The following MLPH variants were observed in gnomAD, a reference collection of about 807,000 sequenced individuals.
MLPH encodes melanophilin, also known as exophilin-3.
In MLPH, 51 loss-of-function variants were observed where a neutral mutation model predicts 72.1. The ratio of observed to expected loss-of-function variants is 0.71; its 90% confidence interval spans 0.56 to 0.89. The LOEUF is 0.89. MLPH is among the 40% of genes least tolerant of loss of function. MLPH has a pLI of 0.00. For synonymous variants in MLPH, 301 were observed against 310.1 expected (o/e 0.97, Z 0.31); for missense variants, 743 against 759.9 (o/e 0.98, Z 0.26).
In MLPH at chr2:237,512,110, C is replaced by T. The variant is rs1157115659; in HGVS notation, c.445+1009C>T. Among the ~76,000 whole-genome samples, 1 of 152,238 alleles carries T rather than the reference C, an allele frequency of 6.6e-6. No individual in the cohort carries two copies. Among genetic ancestry groups the T allele is most frequent in the Non-Finnish European group, 1.5e-5 (1 of 68,044 alleles). On this transcript the variant is annotated intron_variant, in intron 4 of 15. Coordinates refer to ENST00000264605, the MANE Select transcript of MLPH (RefSeq NM_024101.7). This position sits in a 1 kb window ranked among gnomAD's most constrained non-coding sequence, Gnocchi z 5.5. ...CAGGGCCACGAGGCAGCGCCTGGCT[C>T]CGGCAGCTGGGCACGTCCAGGGCAG...
At chr2:237,540,311 G>T in intron 9 of MLPH, 37 bp from the exon 10 acceptor site, 1 of 1,610,644 alleles carries the variant, frequency 6.2e-7, no homozygotes. Context: ...GCTCCAGATG[G>T]CTAGCCGAAT....
In MLPH at chr2:237,527,202, G is replaced by A. The variant is rs1574875242; in HGVS notation, c.881-175G>A. ...CCTCTTTTTTCCTGAAGATCTTTGTGTGTGGCTGTGGAATCTGCCCCATTC... is the reference window on the plus strand; with the variant it reads ...CCTCTTTTTTCCTGAAGATCTTTGTATGTGGCTGTGGAATCTGCCCCATTC... On this transcript the variant is annotated intron_variant, in intron 7 of 15. Transcript: ENST00000264605. 1.6e-5 allele frequency: 12 copies of A among 759,924 alleles called. No individual in the cohort carries two copies. In the East Asian group the frequency reaches 2.4e-4, roughly 15 times the overall value. The allele number at this position is 759,924 out of a possible 1,614,324, so 47.1% of individuals were successfully genotyped here.
intron 9 of MLPH, among the ~76,000 whole-genome samples, chr2:237,537,185 C>T (rs919690974): frequency 6.6e-6 from 1 of 152,216 alleles, no homozygotes; most frequent in Non-Finnish European, 1.5e-5. Context: ...GGCTGTGTCC[C>T]GCCATGCTGG....
intron 6 of MLPH, among the ~76,000 whole-genome samples, chr2:237,523,734 G>A (rs2080239241): frequency 6.6e-6 from 1 of 152,092 alleles, no homozygotes; most frequent in South Asian, 2.1e-4. Context: ...GGGAGTAAAG[G>A]GCTGTAATTA....
At position 237,510,687 on chromosome 2, in the gene MLPH, T is replaced by C. The variant is rs1459859471; in HGVS notation, c.224T>C (p.Val75Ala). 6.2e-7 allele frequency: 1 copy of C among 1,613,770 alleles called. No individual in the cohort carries two copies. The highest frequency in any genetic ancestry group is 2.2e-5 in the East Asian group (1 of 44,874). ...TGCCTGCAGCCCTACCAGCTGCTTG[T>C]GAATAGCAAAAGGCAGTGCCTGGAA... ...ARCLQPYQLL[V>A]NSKRQCLECG... The change falls in exon 3 of 16, where the codon GTG becomes GCG. Residue 75 changes from valine (V) to alanine (A), a missense_variant. Transcript: ENST00000264605. The surrounding 1 kb of genome is among the most constrained non-coding windows in gnomAD (Gnocchi z 4.4).
At chr2:237,493,776 C>T (rs2079477895) in intron 2 of MLPH, among the ~76,000 whole-genome samples, 1 of 152,204 alleles carries the variant, frequency 6.6e-6, no homozygotes, top group South Asian at 2.1e-4. Context: ...GACCCAGCTT[C>T]CAGGGTGATA....
chr2:237,523,928 C>T (rs763923725), intron 6 of MLPH, among the ~76,000 whole-genome samples: 5 of 152,068 alleles, frequency 3.3e-5, no homozygotes, highest in Middle Eastern at 3.4e-3. Context: ...TAATATGGTT[C>T]GGCCTAGGGT....
At position 237,494,456 on chromosome 2, in the gene MLPH, G is replaced by C. The variant is rs539954940; in HGVS notation, c.110+920G>C. ...CGGGGGTCCTGTAGAGCTTCACAGG[G>C]CCTCACCCTTCCCCTGAGTCACCAC... On this transcript the variant is annotated intron_variant, in intron 2 of 15. Coordinates refer to ENST00000264605, the MANE Select transcript of MLPH (RefSeq NM_024101.7). 6.6e-5 allele frequency among the ~76,000 whole-genome samples: 10 copies of C among 152,296 alleles called. No homozygotes were observed. The East Asian group carries it at 9.7e-4, about 15-fold the overall frequency.
At chr2:237,499,516 A>G (rs933632933) in intron 2 of MLPH, among the ~76,000 whole-genome samples, 2 of 152,282 alleles carry the variant, frequency 1.3e-5, no homozygotes, top group African/African-American at 2.4e-5. Context: ...GCTGGAAGTC[A>G]TCATAAGGAG....
chr2:237,510,435 T>C lies in MLPH; in HGVS notation c.111-139T>C. On this transcript the variant is annotated intron_variant, in intron 2 of 15. Transcript: ENST00000264605. The surrounding 1 kb of genome is among the most constrained non-coding windows in gnomAD (Gnocchi z 4.4). ...GTGGCTTTGCCCAACGTTGGGTCAC[T>C]GTTTTCTGCATAGGAGACAGTTACT... The C allele has an allele frequency of 4.3e-6, 4 of 921,650 alleles. No homozygotes were observed. The highest frequency in any genetic ancestry group is 6.9e-6 in the Non-Finnish European group (4 of 576,828). 57.1% of individuals were successfully genotyped at this position (921,650 alleles called of 1,614,324 possible).
chr2:237,533,005 C>T (rs149998529), intron 8 of MLPH, among the ~76,000 whole-genome samples: 2 of 152,320 alleles, frequency 1.3e-5, no homozygotes, highest in East Asian at 3.9e-4. Flanking sequence ...CACAAACCAT[C>T]ACCAGTCCTT....
At chr2:237,530,874 C>T (rs987715206) in intron 8 of MLPH, among the ~76,000 whole-genome samples, 20 of 152,308 alleles carry the variant, frequency 1.3e-4, no homozygotes, top group East Asian at 3.9e-4. Flanking sequence ...TGAGCTCTGG[C>T]GGGGACTCAG....
chr2:237,506,453 G>A (rs1053741203), intron 2 of MLPH, among the ~76,000 whole-genome samples: 3 of 152,138 alleles, frequency 2.0e-5, no homozygotes, highest in African/African-American at 4.8e-5. Flanking sequence ...GCAGACTCAC[G>A]TCTCCAAAAA....
At chr2:237,491,158 C>T (rs150426287) in intron 1 of MLPH, among the ~76,000 whole-genome samples, 6 of 152,284 alleles carry the variant, frequency 3.9e-5, no homozygotes, top group Non-Finnish European at 2.9e-5. Flanking sequence ...TTATGATAAA[C>T]GCTTCCAAAT....
At chr2:237,511,400 CTG>C (rs2079901807) in intron 4 of MLPH, 8 of 387,692 alleles carry the variant, frequency 2.1e-5, no homozygotes, top group South Asian at 1.8e-4. Context: ...GTGTGAGCCA[CTG>C]TGCCCTGTGA....
chr2:237,539,914 G>A (rs533778125), intron 9 of MLPH, among the ~76,000 whole-genome samples: 32 of 152,278 alleles, frequency 2.1e-4, no homozygotes, highest in East Asian at 5.8e-4. Flanking sequence ...TGGCCAGAGC[G>A]TGGGAAGAGC....
At chr2:237,507,045 CTTTTTCTTTTTTTTTTCTTTTTTT>C (rs1470543968) in intron 2 of MLPH, among the ~76,000 whole-genome samples, 7 of 139,470 alleles carry the variant, frequency 5.0e-5, no homozygotes, top group African/African-American at 1.9e-4. Flanking sequence ...AGTTTTTTTC[CTTTTTCTTTTTTTTTTCTTTTTTT>C]TTTTTTTTTT....
At chr2:237,534,322 A>T (rs2080486720) in intron 8 of MLPH, among the ~76,000 whole-genome samples, 1 of 151,752 alleles carries the variant, frequency 6.6e-6, no homozygotes, top group South Asian at 2.1e-4. Context: ...CCTCTCCTCC[A>T]CTTTCACCCT....
At chr2:237,486,586 C>T (rs1434006132), upstream of MLPH, 16 of 152,342 alleles carry the variant, frequency 1.1e-4, no homozygotes, top group Non-Finnish European at 2.1e-4. Context: ...GTCCTGGAAC[C>T]ACCGCGCCGC....
Sources: allele counts gnomAD v4.1 joint callset (sites outside exome capture counted in the v4.1 genomes callset), GRCh38; gene constraint gnomAD v4.1.1; non-coding constraint Gnocchi (gnomAD v3.1); transcripts MANE v1.5; gene names NCBI Gene and HGNC (gene_info 2026-07-23, HGNC 2026-07-21).